ANKRD30B: variants seen among roughly 807,000 people sequenced by gnomAD.
ANKRD30B encodes the protein ankyrin repeat domain 30B, also known as ankyrin repeat domain-containing protein 30B.
In ANKRD30B, 144 loss-of-function variants were observed where a neutral mutation model predicts 202.2. The ratio of observed to expected loss-of-function variants is 0.71; its 90% CI spans 0.62 to 0.82. The LOEUF (loss-of-function observed/expected upper bound fraction) is 0.82. Among genes scored for constraint, ANKRD30B ranks in the 40% least tolerant of loss-of-function variants. ANKRD30B has a pLI of 0.00. For synonymous variants in ANKRD30B, 508 were observed against 561.3 expected (o/e 0.91, Z 1.34); for missense variants, 1,487 against 1,669.1 (o/e 0.89, Z 1.90).
chr18:14,771,522 A>G (rs1361521043), intron 8 of ANKRD30B, among the ~76,000 whole-genome samples: 1 of 152,208 alleles, frequency 6.6e-6, no homozygotes, highest in Non-Finnish European at 1.5e-5. Context: ...AATATTCCGA[A>G]TAACAAATAT....
the ANKRD30B span, among the ~76,000 whole-genome samples, chr18:14,898,980 T>C: frequency 1.3e-5 from 2 of 152,302 alleles, no homozygotes; most frequent in African/African-American, 4.8e-5. Flanking sequence ...TGGACTGATA[T>C]AGATAGCCTA....
chr18:14,879,496 A>T, the ANKRD30B span, among the ~76,000 whole-genome samples: 1 of 152,330 alleles, frequency 6.6e-6, no homozygotes, highest in Non-Finnish European at 1.5e-5. Context: ...GACAGCGATC[A>T]TAACAATCAA....
At chr18:14,794,562 T>C (rs1027864783) in intron 16 of ANKRD30B, among the ~76,000 whole-genome samples, 1 of 152,174 alleles carries the variant, frequency 6.6e-6, no homozygotes, top group Non-Finnish European at 1.5e-5. Context: ...TATATATGAA[T>C]TTCTGAGGTT....
intron 39 of ANKRD30B, among the ~76,000 whole-genome samples, chr18:14,847,998 A>G (rs1971724013): frequency 6.6e-6 from 1 of 151,838 alleles, no homozygotes; most frequent in Non-Finnish European, 1.5e-5. Flanking sequence ...GTTCTGTTCT[A>G]TATTGTCTGT....
At chr18:14,876,651 G>A in the ANKRD30B span, among the ~76,000 whole-genome samples, 1 of 152,206 alleles carries the variant, frequency 6.6e-6, no homozygotes, top group African/African-American at 2.4e-5. Flanking sequence ...GCATGAGCTT[G>A]TAAGTGAACA....
the ANKRD30B span, among the ~76,000 whole-genome samples, chr18:14,866,497 C>T: frequency 2.5e-4 from 38 of 152,102 alleles, no homozygotes; most frequent in African/African-American, 9.2e-4. Flanking sequence ...TGGAGCTGCT[C>T]TTGACCAGCT....
chr18:14,926,923 TTG>T, the ANKRD30B span, among the ~76,000 whole-genome samples: 5,236 of 146,574 alleles, frequency 0.036, 276 homozygotes, highest in African/African-American at 0.11. Context: ...TGAGCAAGGG[TTG>T]TGTGTGTGTG....
intron 8 of ANKRD30B, among the ~76,000 whole-genome samples, chr18:14,770,771 T>G (rs1172661923): frequency 2.0e-5 from 3 of 152,002 alleles, no homozygotes; most frequent in Non-Finnish European, 4.4e-5. Context: ...CTTTTTTGCT[T>G]GTTTAATTGG....
chr18:14,847,050 TTATATATATATATATATATATATATATA>T lies in ANKRD30B; in HGVS notation c.3182-1650_3182-1623del, dbSNP rs56871571. ...GTTTAGTAATTTTTATGATTTAGTT[TTATATATATATATATATATATATATATA>T]TATATATATATATATGTATAATGTT... On this transcript the variant is annotated intron_variant, in intron 39 of 43. Transcript: ENST00000690538. Among the ~76,000 whole-genome samples, 17 of 111,106 alleles carry T rather than the reference TTATATATATATATATATATATATATATA, an allele frequency of 1.5e-4. 1 individual carries two copies. The highest frequency in any genetic ancestry group is 3.4e-4 in the South Asian group (1 of 2,978). 72.9% of individuals were successfully genotyped at this position (111,106 alleles called of 152,430 possible).
At chr18:14,888,655 C>T in the ANKRD30B span, 1 of 453,304 alleles carries the variant, frequency 2.2e-6, no homozygotes, top group Non-Finnish European at 3.7e-6. Flanking sequence ...AAACAGTCCA[C>T]TTAAAGAAAT....
At chr18:14,809,079 TGTG>T (rs1254571358) in intron 26 of ANKRD30B, among the ~76,000 whole-genome samples, 1 of 147,780 alleles carries the variant, frequency 6.8e-6, no homozygotes, top group African/African-American at 2.5e-5. Flanking sequence ...ATCACAGCCT[TGTG>T]TTCCCGTGGT....
At chr18:14,891,126 C>A in the ANKRD30B span, among the ~76,000 whole-genome samples, 2 of 152,134 alleles carry the variant, frequency 1.3e-5, no homozygotes, top group African/African-American at 2.4e-5. Flanking sequence ...CTATGTCTAA[C>A]ACAGTGCAAA....
At chr18:14,790,601 G>C (rs954068084) in intron 15 of ANKRD30B, among the ~76,000 whole-genome samples, 18 of 152,134 alleles carry the variant, frequency 1.2e-4, no homozygotes, top group Middle Eastern at 3.4e-3. Context: ...TAGCATGAAG[G>C]GTTGTTGAAT....
At chr18:14,755,035 A>C in intron 4 of ANKRD30B, 30 bp downstream of exon 4, 1 of 1,273,862 alleles carries the variant, frequency 7.9e-7, no homozygotes, top group Non-Finnish European at 1.0e-6. Flanking sequence ...TTACTAAAAA[A>C]CACTTGACTA....
chr18:14,908,912 A>C, the ANKRD30B span, among the ~76,000 whole-genome samples: 1 of 152,134 alleles, frequency 6.6e-6, no homozygotes, highest in Non-Finnish European at 1.5e-5. Flanking sequence ...GGGAAAAGCT[A>C]TCTATCCTGT....
At chr18:14,788,890 A>G (rs1968272033) in intron 15 of ANKRD30B, among the ~76,000 whole-genome samples, 1 of 152,228 alleles carries the variant, frequency 6.6e-6, no homozygotes, top group Non-Finnish European at 1.5e-5. Context: ...CATGATTTAT[A>G]GTCCTTTGGG....
chr18:14,854,833 AC>A (rs1972028548), downstream of ANKRD30B, among the ~76,000 whole-genome samples: 1 of 2,810 alleles, frequency 3.6e-4, no homozygotes, highest in African/African-American at 1.6e-3. Flanking sequence ...CTATCCACGA[AC>A]ACACACACAC....
chr18:14,926,719 G>A, the ANKRD30B span, among the ~76,000 whole-genome samples: 139 of 152,292 alleles, frequency 9.1e-4, no homozygotes, highest in Admixed American at 2.8e-3. Context: ...GAGCCCAAGA[G>A]TCTGAGACCA....
At position 14,848,840 on chromosome 18, in the gene ANKRD30B, A is replaced by T. The variant is rs1015267952; in HGVS notation, c.3306A>T (p.Val1102=). 3 of 1,595,134 alleles carry T rather than the reference A, an allele frequency of 1.9e-6. No homozygotes were observed. In the African/African-American group the frequency reaches 4.0e-5, roughly 22 times the overall value. ...KMEQTKNKFC[V]LQKELSEAKE... ...AACAAACGAAAAATAAGTTTTGTGT[A>T]CTACAAAAGGAACTGTCAGAAGCGA... The change falls in exon 40 of 44, where the codon GTA becomes GTT. Residue 1102 remains valine (V), a synonymous_variant. Transcript: ENST00000690538.
Sources: allele counts gnomAD v4.1 joint callset (sites outside exome capture counted in the v4.1 genomes callset), GRCh38; gene constraint gnomAD v4.1.1; transcripts MANE v1.5; gene names NCBI Gene and HGNC (gene_info 2026-07-23, HGNC 2026-07-21).